CYRIA: variants seen among roughly 807,000 people sequenced by gnomAD.
CYRIA encodes the protein CYFIP-related Rac1 interactor A.
CYRIA carries 15 observed loss-of-function variants against 43.9 expected under a neutral mutation model. The observed-to-expected ratio is 0.34, with a 90% CI of 0.23 to 0.53. CYRIA has a LOEUF of 0.53. Ranked by LOEUF, CYRIA falls within the 20% of genes least tolerant of loss-of-function variation. CYRIA has a pLI of 0.94. For synonymous variants in CYRIA, 117 were observed against 136.0 expected, an observed-to-expected ratio of 0.86 and a Z score of 0.97; for missense variants, 236 against 394.2, an observed-to-expected ratio of 0.60 and a Z score of 3.40.
chr2:16,624,628 T>A (rs1373138767), intron 1 of CYRIA, among the ~76,000 whole-genome samples: 1 of 152,212 alleles, frequency 6.6e-6, no homozygotes, highest in Non-Finnish European at 1.5e-5. Context: ...TCTCTCTTTC[T>A]GTCCACGTTT....
chr2:16,603,336 C>T (rs1668272670), intron 2 of CYRIA, among the ~76,000 whole-genome samples: 1 of 152,202 alleles, frequency 6.6e-6, no homozygotes, highest in Non-Finnish European at 1.5e-5. Flanking sequence ...ATTTTTACAA[C>T]AACCATATGA....
chr2:16,615,779 C>T (rs947163681), intron 2 of CYRIA, among the ~76,000 whole-genome samples: 4 of 152,272 alleles, frequency 2.6e-5, no homozygotes, highest in Non-Finnish European at 5.9e-5. Flanking sequence ...GCAGCTATTA[C>T]TGAACGTTAC....
At chr2:16,625,014 T>C (rs1669114471) in intron 1 of CYRIA, among the ~76,000 whole-genome samples, 1 of 152,256 alleles carries the variant, frequency 6.6e-6, no homozygotes, top group African/African-American at 2.4e-5. Flanking sequence ...CTGAACTATA[T>C]AGTTTGTTAC....
At chr2:16,570,471 G>A (rs188508771) in intron 3 of CYRIA, among the ~76,000 whole-genome samples, 36 of 152,252 alleles carry the variant, frequency 2.4e-4, no homozygotes, top group Non-Finnish European at 3.4e-4. Flanking sequence ...TCTGAAAGCT[G>A]TTATCATTTT....
At position 16,549,644 on chromosome 2, in the gene CYRIA, A is replaced by G. The variant is rs1475921025; in HGVS notation, c.*3292T>C. ...AGAAAACTGGGTTCCAAGGTTTTGA[A>G]CTCTTTAAGACAAAATTCCAATGTT... On this transcript the variant is annotated 3_prime_UTR_variant, in exon 12 of 12. Coordinates refer to ENST00000381323, the MANE Select transcript of CYRIA (RefSeq NM_030797.4). 2.0e-5 allele frequency: 3 copies of G among 152,008 alleles called. No individual in the cohort carries two copies. Among genetic ancestry groups the G allele is most frequent in the South Asian group, 2.1e-4 (1 of 4,820 alleles). 9.4% of individuals were successfully genotyped at this position (152,008 alleles called of 1,614,324 possible). A position where few individuals can be genotyped will look rare whatever the true frequency, so the allele number is the denominator to read the frequency against.
At chr2:16,638,521 G>A (rs1558438189) in intron 1 of CYRIA, among the ~76,000 whole-genome samples, 3 of 152,096 alleles carry the variant, frequency 2.0e-5, no homozygotes, top group South Asian at 2.1e-4. Flanking sequence ...CACAGAGCAC[G>A]GGCCTTGAAA....
rs546646287 is a variant in CYRIA, at chr2:16,656,615, G to A, written c.-167+9165C>T. Among the ~76,000 whole-genome samples the A allele has an allele frequency of 1.1e-4, 17 of 152,374 alleles. No homozygotes were observed. The South Asian group carries it at 2.1e-3, about 19-fold the overall frequency. ...CAGAAGGACACAGTGGGTCCTCAGA[G>A]AGGAGGAGCTGCTGATTTTTAAACA... On this transcript the variant is annotated intron_variant, in intron 1 of 11. Coordinates refer to ENST00000381323, the MANE Select transcript of CYRIA (RefSeq NM_030797.4).
intron 1 of CYRIA, among the ~76,000 whole-genome samples, chr2:16,629,668 T>A (rs1227130651): frequency 6.6e-6 from 1 of 152,166 alleles, no homozygotes; most frequent in African/African-American, 2.4e-5. Context: ...TGGGCCCTCA[T>A]CCTGTGATAA....
chr2:16,557,490 A>G (rs1323648439), intron 10 of CYRIA, among the ~76,000 whole-genome samples: 3 of 152,126 alleles, frequency 2.0e-5, no homozygotes. Context: ...CCCAGTGACT[A>G]TAACTGCTGG....
Position 16,564,078 on chromosome 2 carries a change from T to C in CYRIA, c.209A>G (p.Asn70Ser), listed in dbSNP as rs1666843733. 5 of 1,613,548 alleles carry C rather than the reference T, an allele frequency of 3.1e-6. No individual in the cohort carries two copies. The highest frequency in any genetic ancestry group is 2.2e-5 in the East Asian group (1 of 44,866). ...PEIRDAIQNPNDIQLQEKAWN... is the reference protein window; with the variant it reads ...PEIRDAIQNPSDIQLQEKAWN... ...AGCTTTTTCTTGAAGCTGAATGTCA[T>C]TGGGATTTTGAATTGCCTGCAAAAA... The change falls in exon 5 of 12, where the codon AAT (asparagine) becomes AGT (serine). Residue 70 changes from asparagine (N) to serine (S), a missense_variant. Asn to Ser is a conservative substitution (Grantham distance 46). Coordinates refer to ENST00000381323, the MANE Select transcript of CYRIA (RefSeq NM_030797.4).
chr2:16,628,818 ATCCAC>A (rs1484295541), intron 1 of CYRIA, among the ~76,000 whole-genome samples: 2 of 152,034 alleles, frequency 1.3e-5, no homozygotes, highest in African/African-American at 2.4e-5. Flanking sequence ...TTTCCAAATA[ATCCAC>A]TCTCCCTGTG....
At chr2:16,655,623 A>G (rs1670091133) in intron 1 of CYRIA, among the ~76,000 whole-genome samples, 1 of 152,164 alleles carries the variant, frequency 6.6e-6, no homozygotes, top group Non-Finnish European at 1.5e-5. Flanking sequence ...AGGAGTTGTA[A>G]ATGTGCGGCA....
chr2:16,590,038 T>C (rs917697501), intron 2 of CYRIA, among the ~76,000 whole-genome samples: 19 of 151,478 alleles, frequency 1.3e-4, no homozygotes, highest in Non-Finnish European at 2.5e-4. Context: ...TCTCTCACCT[T>C]GAGGTGTAGG....
At position 16,551,627 on chromosome 2, in the gene CYRIA, T is replaced by G. The variant is rs570251503; in HGVS notation, c.*1309A>C. 5.3e-5 allele frequency: 8 copies of G among 152,114 alleles called. No homozygotes were observed. The highest frequency in any genetic ancestry group is 1.0e-4 in the Non-Finnish European group (7 of 67,996). The allele number at this position is 152,114 out of a possible 1,614,324, so 9.4% of individuals were successfully genotyped here. A position where few individuals can be genotyped will look rare whatever the true frequency, so the allele number is the denominator to read the frequency against. On this transcript the variant is annotated 3_prime_UTR_variant, in exon 12 of 12. Coordinates refer to ENST00000381323, the MANE Select transcript of CYRIA (RefSeq NM_030797.4). ...ACTAAGCTCTGATGTACAGAGAGAATGACTGCAGGCTTCATAATATTGTTC... is the reference window on the plus strand; with the variant it reads ...ACTAAGCTCTGATGTACAGAGAGAAGGACTGCAGGCTTCATAATATTGTTC...
rs1204218496 is a variant in CYRIA, at chr2:16,629,029, A to G, written c.-166-5010T>C. ...AACCCTAATACCCAGCTGTTCTGATAAGCAGCCTGTCCCTCAAGAGTGAGG... is the reference window on the plus strand; with the variant it reads ...AACCCTAATACCCAGCTGTTCTGATGAGCAGCCTGTCCCTCAAGAGTGAGG... On this transcript the variant is annotated intron_variant, in intron 1 of 11. Transcript: ENST00000381323. Among the ~76,000 whole-genome samples the G allele has an allele frequency of 2.0e-5, 3 of 152,152 alleles. No homozygotes were observed. In the East Asian group the frequency reaches 5.8e-4, roughly 29 times the overall value.
At chr2:16,625,954 G>A (rs1219433321) in intron 1 of CYRIA, among the ~76,000 whole-genome samples, 2 of 151,928 alleles carry the variant, frequency 1.3e-5, no homozygotes, top group Non-Finnish European at 2.9e-5. Flanking sequence ...AAAACCAAGA[G>A]GGTCAGTCAG....
At chr2:16,589,285 A>G (rs925898534) in intron 2 of CYRIA, among the ~76,000 whole-genome samples, 14 of 152,080 alleles carry the variant, frequency 9.2e-5, no homozygotes, top group African/African-American at 2.9e-4. Flanking sequence ...TGTTGATACA[A>G]GGAATTTTAA....
chr2:16,648,499 T>A (rs1021438292), intron 1 of CYRIA, among the ~76,000 whole-genome samples: 1 of 152,222 alleles, frequency 6.6e-6, no homozygotes, highest in African/African-American at 2.4e-5. Context: ...TTTGATGTGA[T>A]GACACGAGTT....
In CYRIA at chr2:16,552,992, T is replaced by A; in HGVS notation, c.916A>T (p.Thr306Ser). The change falls in exon 12 of 12, where the codon ACA becomes TCA. Residue 306 changes from threonine (T) to serine (S), a missense_variant. By Grantham distance (58) the Thr-to-Ser change is moderately conservative. Coordinates refer to ENST00000381323, the MANE Select transcript of CYRIA (RefSeq NM_030797.4). ...EGLLNALRFT[T>S]KHLNDESTSK... is the part of the protein sequence containing the mutation. The stretch of plus-strand genomic sequence containing the variant: ...GTTGATTCATCGTTCAAGTGCTTTG[T>A]AGTGAACCTGGATGGAGAGAGAATG... 6.2e-7 allele frequency: 1 copy of A among 1,605,408 alleles called. No individual in the cohort carries two copies. Among genetic ancestry groups the A allele is most frequent in the Non-Finnish European group, 8.5e-7 (1 of 1,172,188 alleles).
Sources: allele counts gnomAD v4.1 joint callset (sites outside exome capture counted in the v4.1 genomes callset), GRCh38; gene constraint gnomAD v4.1.1; transcripts MANE v1.5; gene names NCBI Gene and HGNC (gene_info 2026-07-23, HGNC 2026-07-21).